Variants in ATRNL1 observed in about 807,000 individuals in gnomAD.
ATRNL1 encodes the protein attractin like 1, also known as attractin-like protein 1.
ATRNL1 carries 95 observed loss-of-function variants against 182.7 expected under a neutral mutation model. That is an observed-to-expected ratio of 0.52 (90% CI 0.44 to 0.62). The LOEUF is 0.62. Among genes scored for constraint, ATRNL1 ranks in the 20% least tolerant of loss-of-function variants. The probability of loss-of-function intolerance (pLI) is 0.00; values close to 1 mark genes in which losing one functional copy is unlikely to be tolerated. For synonymous variants in ATRNL1, 576 were observed against 568.3 expected (o/e 1.01, Z -0.19); for missense variants, 1,471 against 1,679.5 (o/e 0.88, Z 2.17).
chr10:115,936,063 C>T (rs1953547082), intron 28 of ATRNL1, among the ~76,000 whole-genome samples: 1 of 152,128 alleles, frequency 6.6e-6, no homozygotes, highest in African/African-American at 2.4e-5. Flanking sequence ...TAATTGTTTC[C>T]TTACACGGCA....
At chr10:115,708,938 G>A (rs953335897) in intron 26 of ATRNL1, among the ~76,000 whole-genome samples, 1 of 151,778 alleles carries the variant, frequency 6.6e-6, no homozygotes, top group South Asian at 2.1e-4. Flanking sequence ...TTTTTTTGAA[G>A]CAAGTAAGCA....
chr10:115,256,584 C>G (rs1417182242), intron 10 of ATRNL1, among the ~76,000 whole-genome samples: 1 of 152,068 alleles, frequency 6.6e-6, no homozygotes, highest in African/African-American at 2.4e-5. Flanking sequence ...TTTCAAAAAA[C>G]CAGCTCTGGG....
chr10:115,555,554 T>C (rs1272893554), intron 26 of ATRNL1, among the ~76,000 whole-genome samples: 1 of 151,958 alleles, frequency 6.6e-6, no homozygotes, highest in East Asian at 1.9e-4. Context: ...AGTTTATTCC[T>C]TCAACAAATA....
rs145329115 is a variant in ATRNL1, at chr10:115,658,818, G to C, written c.3796-68430G>C. On this transcript the variant is annotated intron_variant, in intron 26 of 28. Transcript: ENST00000355044. ...TGCTAATAAAGACATACTTGAGACT[G>C]GGTAATTTATAAAGGAACAAGTTTA... Among the ~76,000 whole-genome samples the C allele has an allele frequency of 7.0e-4, 107 of 152,238 alleles. 2 individuals carry two copies. The East Asian group carries it at 0.019, about 27-fold the overall frequency.
chr10:115,179,058 C>A (rs988946765), intron 8 of ATRNL1, among the ~76,000 whole-genome samples: 2 of 152,060 alleles, frequency 1.3e-5, no homozygotes. Flanking sequence ...TGAATAAATA[C>A]GATTTTCATC....
At chr10:115,563,350 T>A (rs1227367123) in intron 26 of ATRNL1, among the ~76,000 whole-genome samples, 3 of 152,214 alleles carry the variant, frequency 2.0e-5, no homozygotes, top group Non-Finnish European at 4.4e-5. Context: ...AAATTGTTGC[T>A]TAAAATATAG....
intron 26 of ATRNL1, among the ~76,000 whole-genome samples, chr10:115,673,768 T>C (rs1945774928): frequency 6.6e-6 from 1 of 152,108 alleles, no homozygotes. Flanking sequence ...ATTCCCCTCT[T>C]TTTGAATGTG....
rs782604983 is a variant in ATRNL1, at chr10:115,121,700, C to A, written c.379C>A (p.Pro127Thr). ...TKCTWLIEGY[P>T]NAVLRLRFNH... ...AAAATATTTCATATTCATTTTCAGT[C>A]CAAATGCAGTGTTAAGATTAAGATT... is the stretch of plus-strand genomic sequence containing the variant. Residue 127 changes from proline (P) to threonine (T), a missense_variant and splice_region_variant, in exon 3 of 29, where the codon CCA becomes ACA. Coordinates refer to ENST00000355044, the MANE Select transcript of ATRNL1 (RefSeq NM_207303.4). 7 of 1,421,904 alleles carry A rather than the reference C, an allele frequency of 4.9e-6. No homozygotes were observed. The highest frequency in any genetic ancestry group is 5.7e-6 in the Non-Finnish European group (6 of 1,044,940). 88.1% of individuals were successfully genotyped at this position (1,421,904 alleles called of 1,614,324 possible).
intron 19 of ATRNL1, 36 bp from the exon 20 acceptor site, chr10:115,394,623 T>C (rs1554955071): frequency 1.4e-6 from 2 of 1,429,108 alleles, no homozygotes; most frequent in African/African-American, 1.4e-5. Context: ...GTTTGTGATG[T>C]AGAATATTCA....
chr10:115,495,700 AGT>A (rs1849512727), intron 24 of ATRNL1, among the ~76,000 whole-genome samples: 1 of 86,170 alleles, frequency 1.2e-5, no homozygotes, highest in Non-Finnish European at 3.1e-5. Flanking sequence ...GTATGATTTC[AGT>A]TTTTTTTTTT....
chr10:115,525,196 A>C (rs1851146318), intron 25 of ATRNL1, among the ~76,000 whole-genome samples: 1 of 152,194 alleles, frequency 6.6e-6, no homozygotes, highest in Non-Finnish European at 1.5e-5. Context: ...TTAAAATGAA[A>C]CCAGATGTTA....
intron 27 of ATRNL1, among the ~76,000 whole-genome samples, chr10:115,748,949 A>G (rs1336484654): frequency 6.6e-6 from 1 of 151,986 alleles, no homozygotes; most frequent in Admixed American, 6.6e-5. Context: ...ATAATGATTC[A>G]CAGTAACAAT....
chr10:115,724,315 T>G (rs1593126340), intron 26 of ATRNL1, among the ~76,000 whole-genome samples: 1 of 152,032 alleles, frequency 6.6e-6, no homozygotes, highest in Non-Finnish European at 1.5e-5. Flanking sequence ...TCTCATAAAT[T>G]TGCAAAACAT....
At chr10:115,899,300 AT>A (rs1242435984) in intron 28 of ATRNL1, among the ~76,000 whole-genome samples, 1 of 151,750 alleles carries the variant, frequency 6.6e-6, no homozygotes, top group African/African-American at 2.4e-5. Context: ...CCATGTCCCT[AT>A]TTTTTTGTTG....
chr10:115,164,472 T>C (rs1385974335), intron 6 of ATRNL1, among the ~76,000 whole-genome samples: 3 of 152,178 alleles, frequency 2.0e-5, no homozygotes, highest in African/African-American at 7.2e-5. Flanking sequence ...GCAAACCCAC[T>C]GCTAGATATG....
At chr10:115,802,427 C>T (rs1949820165) in intron 27 of ATRNL1, among the ~76,000 whole-genome samples, 1 of 152,032 alleles carries the variant, frequency 6.6e-6, no homozygotes, top group Non-Finnish European at 1.5e-5. Flanking sequence ...AGAAGCATGT[C>T]ATAGTAAGCA....
intron 26 of ATRNL1, among the ~76,000 whole-genome samples, chr10:115,572,633 T>C (rs1854467613): frequency 6.6e-6 from 1 of 152,218 alleles, no homozygotes; most frequent in African/African-American, 2.4e-5. Context: ...CACATAGCAG[T>C]TGGACATAAA....
intron 27 of ATRNL1, among the ~76,000 whole-genome samples, chr10:115,837,601 A>G (rs1950708740): frequency 6.6e-6 from 1 of 152,198 alleles, no homozygotes; most frequent in South Asian, 2.1e-4. Context: ...ATAAGCAGAA[A>G]GGTTTGCATA....
At chr10:115,691,247 A>G (rs782607495) in intron 26 of ATRNL1, among the ~76,000 whole-genome samples, 10 of 152,186 alleles carry the variant, frequency 6.6e-5, no homozygotes, top group Non-Finnish European at 1.5e-4. Flanking sequence ...CAAACAATGT[A>G]CAAGGGTTCC....
Sources: allele counts gnomAD v4.1 joint callset (sites outside exome capture counted in the v4.1 genomes callset), GRCh38; gene constraint gnomAD v4.1.1; transcripts MANE v1.5; gene names NCBI Gene and HGNC (gene_info 2026-07-23, HGNC 2026-07-21).